KMT2A: variants seen among roughly 807,000 people sequenced by gnomAD.
KMT2A encodes the protein lysine methyltransferase 2A.
In KMT2A, 16 loss-of-function variants were observed where a neutral mutation model predicts 345.3. The ratio of observed to expected loss-of-function variants is 0.05; its 90% CI spans 0.03 to 0.07. The LOEUF is 0.07. KMT2A is among the 10% of genes least tolerant of loss of function. KMT2A has a pLI of 1.00. For missense variants in KMT2A, 3,272 were observed against 4,841.6 expected, an observed-to-expected ratio of 0.68 and a Z score of 9.62; for synonymous variants, 1,599 against 1,778.6, an observed-to-expected ratio of 0.90 and a Z score of 2.54.
chr11:118,497,527 C>T lies in KMT2A; in HGVS notation c.5665-409C>T, dbSNP rs534705759. On this transcript the variant is annotated intron_variant, in intron 20 of 35. Transcript: ENST00000534358. The surrounding 1 kb of genome is among the most constrained non-coding windows in gnomAD (Gnocchi z 4.8). ...CCTCCTACCTCAGCCTCCTGAGTAG[C>T]TGAGACCACAGATGCGCACCACCAT... Among the ~76,000 whole-genome samples, 2 of 152,122 alleles carry T rather than the reference C, an allele frequency of 1.3e-5. No individual in the cohort carries two copies. Among genetic ancestry groups the T allele is most frequent in the Non-Finnish European group, 2.9e-5 (2 of 68,020 alleles).
Position 118,477,970 on chromosome 11 carries a change from A to G in KMT2A, c.3338A>G (p.Lys1113Arg), listed in dbSNP as rs1022149211. 6 of 1,613,750 alleles carry G rather than the reference A, an allele frequency of 3.7e-6. No individual in the cohort carries two copies. Among genetic ancestry groups the G allele is most frequent in the Non-Finnish European group, 4.2e-6 (5 of 1,179,688 alleles). Residue 1113 changes from lysine (K) to arginine (R), a missense_variant, in exon 5 of 36, where the codon AAG (lysine) becomes AGG (arginine). Coordinates refer to ENST00000534358, the MANE Select transcript of KMT2A (RefSeq NM_001197104.2). Reference sequence around the variant, plus strand: ...TAATGCCACATTTCTTTAACAGACAAGTCATCAATTGCTGGCTCAGAAGAT... The same window carrying G: ...TAATGCCACATTTCTTTAACAGACAGGTCATCAATTGCTGGCTCAGAAGAT... ...KILSSMGNDDKSSIAGSEDAE... is the reference protein window; with the variant it reads ...KILSSMGNDDRSSIAGSEDAE...
chr11:118,468,401 T>G (rs1337208848), intron 1 of KMT2A, among the ~76,000 whole-genome samples: 3 of 152,204 alleles, frequency 2.0e-5, no homozygotes, highest in Admixed American at 6.5e-5. Flanking sequence ...GAAAAGCATT[T>G]GTTTGTTGTA....
chr11:118,489,636 A>G (rs369982584), intron 11 of KMT2A, among the ~76,000 whole-genome samples, 156 bp from the exon 12 acceptor site: 4 of 152,216 alleles, frequency 2.6e-5, no homozygotes, highest in African/African-American at 7.2e-5. Context: ...ATCTATCTCA[A>G]TGCTTTAATT....
chr11:118,464,539 CAAA>C (rs35564663), intron 1 of KMT2A, among the ~76,000 whole-genome samples: 2 of 65,028 alleles, frequency 3.1e-5, no homozygotes, highest in African/African-American at 5.5e-5. Flanking sequence ...AACTCTGTCT[CAAA>C]AAAAAAAAAA....
rs1591389008 is a variant in KMT2A, at chr11:118,484,876, A to C, written c.4233A>C (p.Ala1411=). The change falls in exon 10 of 36, where the codon GCA becomes GCC. Residue 1411 remains alanine, a synonymous_variant. Coordinates refer to ENST00000534358, the MANE Select transcript of KMT2A (RefSeq NM_001197104.2). The surrounding 1 kb of genome is among the most constrained non-coding windows in gnomAD (Gnocchi z 4.1). ...IRVDFKEDCE[A]ENVWEMGGLG... ...TCTCTCCACAGGAGGATTGTGAAGC[A>C]GAAAATGTGTGGGAGATGGGAGGCT... The C allele has an allele frequency of 1.2e-6, 2 of 1,613,478 alleles. No homozygotes were observed. Among genetic ancestry groups the C allele is most frequent in the South Asian group, 1.1e-5 (1 of 91,064 alleles).
Position 118,476,754 on chromosome 11 carries a change from A to T in KMT2A, c.3157-51A>T. ...AAGTATACCTTGGCTTCGTTCAGTTATAATTTCAACATGTATGGTTGTTAT... is the reference window on the plus strand; with the variant it reads ...AAGTATACCTTGGCTTCGTTCAGTTTTAATTTCAACATGTATGGTTGTTAT... On this transcript the variant is annotated intron_variant, in intron 3 of 35. Coordinates refer to ENST00000534358, the MANE Select transcript of KMT2A (RefSeq NM_001197104.2). This position sits in a 1 kb window ranked among gnomAD's most constrained non-coding sequence, Gnocchi z 4.1. The T allele has an allele frequency of 6.6e-7, 1 of 1,503,924 alleles. No individual in the cohort carries two copies. The allele number at this position is 1,503,924 out of a possible 1,614,324, so 93.2% of individuals were successfully genotyped here. A position where few individuals can be genotyped will look rare whatever the true frequency, so the allele number is the denominator to read the frequency against.
chr11:118,517,257 G>A (rs1342941599), intron 31 of KMT2A, among the ~76,000 whole-genome samples: 11 of 151,862 alleles, frequency 7.2e-5, no homozygotes, highest in African/African-American at 2.4e-4. Context: ...TTAGCCAGGC[G>A]TGGTGGCGGG....
intron 15 of KMT2A, among the ~76,000 whole-genome samples, chr11:118,492,286 C>A (rs1555042734): frequency 6.6e-6 from 1 of 152,164 alleles, no homozygotes; most frequent in East Asian, 1.9e-4. Flanking sequence ...AGCCTAGAGG[C>A]AGGATTCGTA....
chr11:118,475,731 T>A lies in KMT2A; in HGVS notation c.3157-1074T>A, dbSNP rs184015552. ...GGGCGAGACTCCGTCTCTAAAAAAA[T>A]AAATAAATAAAATTAATGTTATTCA... On this transcript the variant is annotated intron_variant, in intron 3 of 35. Coordinates refer to ENST00000534358, the MANE Select transcript of KMT2A (RefSeq NM_001197104.2). Among the ~76,000 whole-genome samples, 126 of 152,096 alleles carry A rather than the reference T, an allele frequency of 8.3e-4. 1 individual carries two copies. The East Asian group carries it at 0.023, about 28-fold the overall frequency.
intron 1 of KMT2A, among the ~76,000 whole-genome samples, chr11:118,442,576 T>C (rs1949337088): frequency 6.6e-6 from 1 of 152,308 alleles, no homozygotes; most frequent in Non-Finnish European, 1.5e-5. Context: ...TCAGATGAAA[T>C]TATTGATTGC....
At chr11:118,466,161 G>A (rs782425157) in intron 1 of KMT2A, among the ~76,000 whole-genome samples, 17 of 151,660 alleles carry the variant, frequency 1.1e-4, no homozygotes, top group Admixed American at 5.9e-4. Context: ...GTGAGACCCC[G>A]TCTCTGTAAA....
Position 118,491,808 on chromosome 11 carries a change from T to G in KMT2A, c.4884T>G (p.Thr1628=). ...TGGCCTACACTTGTGTGAACTGTACTGAGCGGCACCCTGCAGAGTGGCGAC... is the reference window on the plus strand; with the variant it reads ...TGGCCTACACTTGTGTGAACTGTACGGAGCGGCACCCTGCAGAGTGGCGAC... ...ESVAYTCVNC[T]ERHPAEWRLA... The change falls in exon 15 of 36, where the codon ACT becomes ACG. Residue 1628 remains threonine (T), a synonymous_variant. Coordinates refer to ENST00000534358, the MANE Select transcript of KMT2A (RefSeq NM_001197104.2). This position sits in a 1 kb window ranked among gnomAD's most constrained non-coding sequence, Gnocchi z 4.2. 7 of 1,614,180 alleles carry G rather than the reference T, an allele frequency of 4.3e-6. No individual in the cohort carries two copies. The highest frequency in any genetic ancestry group is 5.9e-6 in the Non-Finnish European group (7 of 1,179,996).
intron 1 of KMT2A, chr11:118,447,492 G>A (rs1156817611): frequency 1.0e-5 from 2 of 196,190 alleles, no homozygotes; most frequent in Non-Finnish European, 2.2e-5. Context: ...GCCATGATGC[G>A]ACATTTTTGT....
Position 118,505,267 on chromosome 11 carries a change from G to A in KMT2A, c.9375G>A (p.Leu3125=), listed in dbSNP as rs2134404808. 6.2e-7 allele frequency: 1 copy of A among 1,614,028 alleles called. No individual in the cohort carries two copies. The highest frequency in any genetic ancestry group is 8.5e-7 in the Non-Finnish European group (1 of 1,179,952). Residue 3125 remains leucine (L), a synonymous_variant, in exon 27 of 36, where the codon TTG becomes TTA. Coordinates refer to ENST00000534358, the MANE Select transcript of KMT2A (RefSeq NM_001197104.2). The surrounding 1 kb of genome is among the most constrained non-coding windows in gnomAD (Gnocchi z 4.6). ...PSVMETNTSV[L]GPMGGGLTLT... is the part of the protein sequence containing the mutation. ...TGATGGAGACAAATACTTCAGTATT[G>A]GGACCCATGGGAGGTGGTCTCACCC...
In KMT2A at chr11:118,472,727, G is replaced by A. The variant is rs781818869; in HGVS notation, c.1568G>A (p.Ser523Asn). 3.7e-6 allele frequency: 6 copies of A among 1,613,574 alleles called. No homozygotes were observed. Among genetic ancestry groups the A allele is most frequent in the East Asian group, 4.5e-5 (2 of 44,872 alleles). ...ATTTCCCAGTCCCCAGAAAATGAGAGTAATGATAGGAGAAGCAGAAGGTAT... is the reference window on the plus strand; with the variant it reads ...ATTTCCCAGTCCCCAGAAAATGAGAATAATGATAGGAGAAGCAGAAGGTAT... ...LPISQSPENE[S>N]NDRRSRRYSV... is the part of the protein sequence containing the mutation. The change falls in exon 3 of 36, where the codon AGT (serine) becomes AAT (asparagine). Residue 523 changes from serine to asparagine, a missense_variant. By Grantham distance (46) the Ser-to-Asn change is conservative. Coordinates refer to ENST00000534358, the MANE Select transcript of KMT2A (RefSeq NM_001197104.2).
At chr11:118,456,628 G>A (rs944306412) in intron 1 of KMT2A, among the ~76,000 whole-genome samples, 17 of 152,132 alleles carry the variant, frequency 1.1e-4, no homozygotes, top group African/African-American at 3.4e-4. Context: ...ATGAGCCGCC[G>A]CGCCTGGCAT....
intron 1 of KMT2A, among the ~76,000 whole-genome samples, chr11:118,468,506 G>A (rs771768830): frequency 6.6e-6 from 1 of 152,028 alleles, no homozygotes; most frequent in Non-Finnish European, 1.5e-5. Context: ...TTTGAAATTA[G>A]GACTATCCTC....
chr11:118,487,242 C>A (rs927432794), intron 10 of KMT2A, among the ~76,000 whole-genome samples: 1 of 152,116 alleles, frequency 6.6e-6, no homozygotes, highest in Non-Finnish European at 1.5e-5. Flanking sequence ...TTTTATAGCA[C>A]CAGTCCTTCA....
Position 118,470,807 on chromosome 11 carries a change from G to A in KMT2A, c.503-855G>A, listed in dbSNP as rs9332770. 7.2e-3 allele frequency among the ~76,000 whole-genome samples: 1,096 copies of A among 152,204 alleles called. 16 individuals carry two copies. The highest frequency in any genetic ancestry group is 0.024 in the African/African-American group (1,009 of 41,550). On this transcript the variant is annotated intron_variant, in intron 2 of 35. Coordinates refer to ENST00000534358, the MANE Select transcript of KMT2A (RefSeq NM_001197104.2). ...AGTCTTACTACTTTTTAAAATACAG[G>A]TTTATACAAGGTGTTTTAGAAACAG...
Sources: allele counts gnomAD v4.1 joint callset (sites outside exome capture counted in the v4.1 genomes callset), GRCh38; gene constraint gnomAD v4.1.1; non-coding constraint Gnocchi (gnomAD v3.1); transcripts MANE v1.5; gene names NCBI Gene and HGNC (gene_info 2026-07-23, HGNC 2026-07-21).